RTN4: variants seen among roughly 807,000 people sequenced by gnomAD.
The protein encoded by RTN4 is reticulon-4.
RTN4 carries 32 observed loss-of-function variants against 90.4 expected under a neutral mutation model. That is an observed-to-expected ratio of 0.35 (90% CI 0.27 to 0.48). The LOEUF (loss-of-function observed/expected upper bound fraction) is 0.48. RTN4 is among the 20% of genes least tolerant of loss of function. The probability of loss-of-function intolerance (pLI) is 0.99; values close to 1 mark genes in which losing one functional copy is unlikely to be tolerated. For missense variants in RTN4, 1,706 were observed against 1,430.2 expected (o/e 1.19, Z -3.11); for synonymous variants, 629 against 552.5 (o/e 1.14, Z -1.94).
intron 1 of RTN4, among the ~76,000 whole-genome samples, chr2:55,040,055 G>C (rs76115757): frequency 6.6e-6 from 1 of 152,244 alleles, no homozygotes; most frequent in South Asian, 2.1e-4. Context: ...TTGTTCAAAA[G>C]TGATGTCTTA....
At chr2:55,038,343 G>A (rs1682829563) in intron 1 of RTN4, among the ~76,000 whole-genome samples, 1 of 151,966 alleles carries the variant, frequency 6.6e-6, no homozygotes, top group African/African-American at 2.4e-5. Flanking sequence ...GCAAGCTACA[G>A]ACTAGGAGAA....
intron 5 of RTN4, among the ~76,000 whole-genome samples, chr2:54,977,705 C>T (rs533957571): frequency 6.6e-6 from 1 of 152,144 alleles, no homozygotes; most frequent in South Asian, 2.1e-4. Flanking sequence ...AGTTTAATGC[C>T]ACAACTTTTT....
rs781098412 is a variant in RTN4 at position 54,974,677 on chromosome 2, A to G, written c.3430+18T>C. 4.4e-6 allele frequency: 7 copies of G among 1,592,958 alleles called. No individual in the cohort carries two copies. Among genetic ancestry groups the G allele is most frequent in the Middle Eastern group, 1.7e-4 (1 of 6,008 alleles). ...ATCTTTCCAGCAATTTTTCATCCCA[A>G]TGGCTTTGTAGACTTACCCAAAATC... On this transcript the variant is annotated intron_variant, in intron 6 of 8. Transcript: ENST00000337526.
At chr2:55,091,963 C>A (rs1668945357) in intron 1 of RTN4, among the ~76,000 whole-genome samples, 1 of 152,130 alleles carries the variant, frequency 6.6e-6, no homozygotes, top group African/African-American at 2.4e-5. Context: ...ATTACCTCCC[C>A]CTGGGTCCCT....
At chr2:54,988,835 G>C (rs1678783191) in intron 3 of RTN4, among the ~76,000 whole-genome samples, 1 of 152,182 alleles carries the variant, frequency 6.6e-6, no homozygotes, top group Non-Finnish European at 1.5e-5. Context: ...GCCACTGAGG[G>C]GATCAAGTAA....
At chr2:55,001,431 G>A (rs936270455) in intron 3 of RTN4, among the ~76,000 whole-genome samples, 7 of 152,164 alleles carry the variant, frequency 4.6e-5, no homozygotes, top group African/African-American at 1.7e-4. Flanking sequence ...GTTTAGTATT[G>A]TTAAATGGTC....
intron 3 of RTN4, among the ~76,000 whole-genome samples, chr2:55,020,867 G>C (rs1160232633): frequency 6.6e-6 from 1 of 152,052 alleles, no homozygotes; most frequent in Non-Finnish European, 1.5e-5. Context: ...GCCAGGCATA[G>C]TGACACGAGC....
chr2:55,108,589 G>GGAA (rs777913304), intron 1 of RTN4, among the ~76,000 whole-genome samples: 41 of 152,010 alleles, frequency 2.7e-4, no homozygotes, highest in Non-Finnish European at 5.1e-4. Context: ...GAGGGATGGG[G>GGAA]GAAGAGGGGT....
At chr2:54,983,076 T>C (rs1026704290) in intron 4 of RTN4, among the ~76,000 whole-genome samples, 12 of 151,862 alleles carry the variant, frequency 7.9e-5, no homozygotes, top group African/African-American at 2.7e-4. Flanking sequence ...TTTTTTTTTT[T>C]TTCTTAAAGT....
chr2:55,049,705 G>A, intron 1 of RTN4, 40 bp downstream of exon 1: 1 of 1,418,702 alleles, frequency 7.0e-7, no homozygotes, highest in Non-Finnish European at 9.3e-7. Context: ...AGAGGGAGGG[G>A]CGCGAGGGGC....
the RTN4 span, among the ~76,000 whole-genome samples, chr2:55,117,807 A>G: frequency 6.6e-6 from 1 of 152,214 alleles, no homozygotes; most frequent in Non-Finnish European, 1.5e-5. Flanking sequence ...AGAAGCCAGG[A>G]GAGTGATTAC....
chr2:54,982,624 G>C lies in RTN4; in HGVS notation c.3251C>G (p.Ser1084Cys). Residue 1084 changes from serine (S) to cysteine (C), a missense_variant, in exon 5 of 9, where the codon TCT (serine) becomes TGT (cysteine). By Grantham distance (112) the Ser-to-Cys change is moderately radical (BLOSUM62 -1). Transcript: ENST00000337526. ...ACTGTACTTCTGAACCAACTCCTCA[G>C]ATATAGCAACTTCAGATTCCAGATA... Reference protein sequence around the residue: ...RAYLESEVAISEELVQKYSNS... With the variant: ...RAYLESEVAICEELVQKYSNS... 1 of 1,610,926 alleles carries C rather than the reference G, an allele frequency of 6.2e-7. No individual in the cohort carries two copies. The highest frequency in any genetic ancestry group is 8.5e-7 in the Non-Finnish European group (1 of 1,178,710).
At chr2:55,131,739 C>G in the RTN4 span, among the ~76,000 whole-genome samples, 1 of 152,020 alleles carries the variant, frequency 6.6e-6, no homozygotes, top group Middle Eastern at 3.4e-3. Flanking sequence ...CAAAAATTAG[C>G]CGGGCGTGGT....
At chr2:55,049,677 T>C (rs1238381244) in intron 1 of RTN4, 68 bp downstream of exon 1, 2 of 1,496,894 alleles carry the variant, frequency 1.3e-6, no homozygotes, top group Non-Finnish European at 1.8e-6. Context: ...GCCCAAAGCA[T>C]CTGGGGCTGC....
chr2:55,124,959 G>A, the RTN4 span, among the ~76,000 whole-genome samples: 2 of 152,092 alleles, frequency 1.3e-5, no homozygotes, highest in Non-Finnish European at 2.9e-5. Flanking sequence ...ACCAAGCAAT[G>A]GGGAAAAGAC....
Position 55,025,326 on chromosome 2 carries a change from G to A in RTN4, c.2773C>T (p.Gln925Ter). 1 of 1,613,952 alleles carries A rather than the reference G, an allele frequency of 6.2e-7. No individual in the cohort carries two copies. Among genetic ancestry groups the A allele is most frequent in the Non-Finnish European group, 8.5e-7 (1 of 1,179,892 alleles). The stretch of plus-strand genomic sequence containing the variant: ...CTGATTTTCTCTTCAACTTTGGGTT[G>A]TATGTTCTTCAAAGAAAGGTCATGG... ...LPHDLSLKNI[Q>*]PKVEEKISFS... Residue 925 changes from glutamine to a stop codon, truncating the protein, a stop_gained, in exon 3 of 9, where the codon CAA becomes TAA. Transcript: ENST00000337526. LOFTEE classifies it high-confidence loss of function.
chr2:55,047,759 T>C (rs1667843578), intron 1 of RTN4, among the ~76,000 whole-genome samples: 1 of 152,204 alleles, frequency 6.6e-6, no homozygotes, highest in South Asian at 2.1e-4. Context: ...ATGTATCTAA[T>C]ATTATGCATT....
intron 3 of RTN4, among the ~76,000 whole-genome samples, chr2:54,997,198 T>A (rs1292953105): frequency 6.6e-6 from 1 of 152,058 alleles, no homozygotes; most frequent in Admixed American, 6.5e-5. Flanking sequence ...GACAACAGAT[T>A]TGAATAGACA....
At chr2:55,039,239 C>T (rs1056334172) in intron 1 of RTN4, among the ~76,000 whole-genome samples, 2 of 152,070 alleles carry the variant, frequency 1.3e-5, no homozygotes, top group Non-Finnish European at 2.9e-5. Flanking sequence ...ACTGTTGAAA[C>T]TTAAAATTTA....
Sources: allele counts gnomAD v4.1 joint callset (sites outside exome capture counted in the v4.1 genomes callset), GRCh38; gene constraint gnomAD v4.1.1; transcripts MANE v1.5; gene names NCBI Gene and HGNC (gene_info 2026-07-23, HGNC 2026-07-21).